The following AFG2B variants were observed in gnomAD, a reference collection of about 807,000 sequenced individuals.
AFG2B encodes the protein AAA ATPase AFG2B, also known as ATPase family gene 2 protein homolog B.
the AFG2B span, chr15:45,417,319 A>C: frequency 6.2e-7 from 1 of 1,614,122 alleles, no homozygotes; most frequent in Non-Finnish European, 8.5e-7. Context: ...AGCAACAAAT[A>C]GACCTGATGT....
At chr15:45,420,870 T>A in the AFG2B span, among the ~76,000 whole-genome samples, 166 of 152,112 alleles carry the variant, frequency 1.1e-3, no homozygotes, top group African/African-American at 3.9e-3. Flanking sequence ...CAGCCTTCTG[T>A]AATCCCAGCT....
chr15:45,406,937 A>G, the AFG2B span: 1 of 1,061,704 alleles, frequency 9.4e-7, no homozygotes, highest in Non-Finnish European at 1.3e-6. Flanking sequence ...TCTGTGTGTA[A>G]AGATGTGAGA....
the AFG2B span, chr15:45,421,031 G>A: frequency 2.5e-6 from 4 of 1,601,738 alleles, no homozygotes; most frequent in Admixed American, 1.8e-5. Flanking sequence ...TCTATTGCTT[G>A]TCTCTTAATA....
At chr15:45,403,612 T>G in the AFG2B span, 841 of 1,503,374 alleles carry the variant, frequency 5.6e-4, 4 homozygotes, top group African/African-American at 0.011. Flanking sequence ...CTCTTAGGTT[T>G]GAGCATCGGT....
chr15:45,414,139 G>A, the AFG2B span, among the ~76,000 whole-genome samples: 7 of 152,140 alleles, frequency 4.6e-5, no homozygotes, highest in Non-Finnish European at 1.0e-4. Flanking sequence ...AGGGGGTTCC[G>A]CTTTAACCAG....
the AFG2B span, chr15:45,415,897 C>G: frequency 4.3e-6 from 4 of 937,532 alleles, no homozygotes; most frequent in Non-Finnish European, 6.2e-6. Flanking sequence ...CTGAATTCAT[C>G]TCATAGAAGG....
chr15:45,414,586 C>T, the AFG2B span: 5 of 1,614,110 alleles, frequency 3.1e-6, no homozygotes, highest in Non-Finnish European at 4.2e-6. Flanking sequence ...TGAGTGGCCT[C>T]TGAAATTCCC....
At chr15:45,420,339 ATAGT>A in the AFG2B span, among the ~76,000 whole-genome samples, 1 of 152,162 alleles carries the variant, frequency 6.6e-6, no homozygotes, top group Non-Finnish European at 1.5e-5. Flanking sequence ...ATTTGTAAAC[ATAGT>A]TAGCTACAAG....
the AFG2B span, chr15:45,417,799 G>T: frequency 5.1e-5 from 8 of 157,034 alleles, no homozygotes; most frequent in Non-Finnish European, 9.8e-5. Flanking sequence ...CGTAAAGTAC[G>T]GTGCAGAAAT....
chr15:45,414,932 T>C, the AFG2B span: 1 of 665,370 alleles, frequency 1.5e-6, no homozygotes, highest in Non-Finnish European at 2.5e-6. Flanking sequence ...AAAGTGTAAA[T>C]ATGAAATCCT....
chr15:45,403,483 C>T, the AFG2B span: 1 of 1,606,992 alleles, frequency 6.2e-7, no homozygotes, highest in Admixed American at 1.7e-5. Context: ...CGCTCTAGAC[C>T]CAGCGCTGCG....
chr15:45,403,470 G>A, the AFG2B span: 1 of 1,608,554 alleles, frequency 6.2e-7, no homozygotes, highest in Non-Finnish European at 8.5e-7. Context: ...CTAACCGGCC[G>A]GACGCTCTAG....
At chr15:45,403,353 G>A in the AFG2B span, 1 of 1,609,284 alleles carries the variant, frequency 6.2e-7, no homozygotes, top group Non-Finnish European at 8.5e-7. Flanking sequence ...TGGACGCCTT[G>A]TGTCCCCAGC....
At chr15:45,416,188 G>A in the AFG2B span, among the ~76,000 whole-genome samples, 2 of 152,222 alleles carry the variant, frequency 1.3e-5, no homozygotes, top group Non-Finnish European at 2.9e-5. Flanking sequence ...CACTTTGGGA[G>A]GCCAAGGCAG....
At chr15:45,402,409 T>C in the AFG2B span, 2 of 1,575,064 alleles carry the variant, frequency 1.3e-6, no homozygotes, top group Non-Finnish European at 1.7e-6. Context: ...TGGTTTCGTC[T>C]GCCTGGTTCA....
At chr15:45,413,411 C>T in the AFG2B span, among the ~76,000 whole-genome samples, 7 of 152,196 alleles carry the variant, frequency 4.6e-5, no homozygotes, top group Admixed American at 2.6e-4. Flanking sequence ...TTCAGCTAGT[C>T]AGCTCTGCCC....
the AFG2B span, among the ~76,000 whole-genome samples, chr15:45,406,856 G>A: frequency 1.3e-5 from 2 of 152,236 alleles, no homozygotes; most frequent in African/African-American, 4.8e-5. Context: ...GAGGAGTTAT[G>A]TGATCTTCTA....
chr15:45,402,462 G>T, the AFG2B span: 1 of 1,608,102 alleles, frequency 6.2e-7, no homozygotes, highest in Non-Finnish European at 8.5e-7. Flanking sequence ...TCCCTGAAGG[G>T]CCGCTCTTAA....
chr15:45,418,343 C>CAAAAAAAAAAAAA, the AFG2B span, among the ~76,000 whole-genome samples: 1 of 52,560 alleles, frequency 1.9e-5, no homozygotes, highest in Non-Finnish European at 4.3e-5. Flanking sequence ...GACTCCATCT[C>CAAAAAAAAAAAAA]AAAAAAAAAA....
Sources: gnomAD v4.1 joint callset for allele counts (sites outside exome capture counted in the v4.1 genomes callset) on GRCh38, gnomAD v4.1.1 for gene constraint, MANE v1.5 for transcripts, NCBI Gene and HGNC (gene_info 2026-07-23, HGNC 2026-07-21) for gene names.